Variants in EPB41L4A observed in about 807,000 individuals in gnomAD.
The protein encoded by EPB41L4A is erythrocyte membrane protein band 4.1 like 4A, also known as band 4.1-like protein 4A.
EPB41L4A carries 100 observed loss-of-function variants against 108.6 expected under a neutral mutation model. That is an observed-to-expected ratio of 0.92 (90% CI 0.78 to 1.09). The LOEUF is 1.09. Among genes scored for constraint, EPB41L4A ranks in the 50% least tolerant of loss-of-function variants. The pLI is 0.00. For missense variants in EPB41L4A, 1,030 were observed against 842.7 expected, an observed-to-expected ratio of 1.22 and a Z score of -2.75; for synonymous variants, 319 against 289.0, an observed-to-expected ratio of 1.10 and a Z score of -1.05.
intron 1 of EPB41L4A, among the ~76,000 whole-genome samples, chr5:112,349,218 G>C (rs1218019155): frequency 6.6e-6 from 1 of 152,116 alleles, no homozygotes; most frequent in Non-Finnish European, 1.5e-5. Context: ...GGGGGAATAA[G>C]GACATCATTT....
intron 11 of EPB41L4A, among the ~76,000 whole-genome samples, chr5:112,236,283 C>A (rs371393596): frequency 6.6e-6 from 1 of 152,172 alleles, no homozygotes; most frequent in Non-Finnish European, 1.5e-5. Context: ...GGACCCAGCA[C>A]TAGAACAAGC....
intron 12 of EPB41L4A, among the ~76,000 whole-genome samples, chr5:112,215,452 A>C (rs1747552739): frequency 6.6e-6 from 1 of 152,226 alleles, no homozygotes; most frequent in Admixed American, 6.5e-5. Flanking sequence ...TTCATTTTAC[A>C]TATTGTTCAC....
chr5:112,341,355 C>A (rs1348058425), intron 1 of EPB41L4A, among the ~76,000 whole-genome samples: 1 of 152,166 alleles, frequency 6.6e-6, no homozygotes, highest in Non-Finnish European at 1.5e-5. Flanking sequence ...ATAACCAGTT[C>A]TTCAATGAAT....
intron 12 of EPB41L4A, chr5:112,228,622 T>C: frequency 1.2e-6 from 1 of 830,416 alleles, no homozygotes. Flanking sequence ...ACTTTTCTTA[T>C]AGCTAATTAT....
At chr5:112,334,844 G>C (rs1441472961) in intron 1 of EPB41L4A, among the ~76,000 whole-genome samples, 2 of 152,068 alleles carry the variant, frequency 1.3e-5, no homozygotes, top group Non-Finnish European at 2.9e-5. Context: ...AGACCTATCT[G>C]AGACATGTTT....
intron 1 of EPB41L4A, among the ~76,000 whole-genome samples, chr5:112,326,871 C>G (rs17134357): frequency 0.016 from 2,457 of 152,272 alleles, 62 homozygotes; most frequent in South Asian, 0.057. Context: ...ACAGTCATCA[C>G]AGAATCCTTT....
intron 1 of EPB41L4A, among the ~76,000 whole-genome samples, chr5:112,387,075 C>A (rs1338476451): frequency 1.3e-5 from 2 of 152,124 alleles, no homozygotes; most frequent in Non-Finnish European, 2.9e-5. Flanking sequence ...AATCTGGGGG[C>A]CTGCACACTC....
intron 1 of EPB41L4A, among the ~76,000 whole-genome samples, chr5:112,349,487 A>G (rs17134376): frequency 0.025 from 3,849 of 152,270 alleles, 145 homozygotes; most frequent in African/African-American, 0.087. Context: ...AGGGAGCTTA[A>G]AAGCCTATAA....
At chr5:112,170,118 G>A in intron 20 of EPB41L4A, 183 bp downstream of exon 20, 1 of 602,422 alleles carries the variant, frequency 1.7e-6, no homozygotes, top group Non-Finnish European at 2.9e-6. Context: ...AGATGATAGT[G>A]ATTATAGTGT....
At chr5:112,209,772 C>T in intron 13 of EPB41L4A, 120 bp downstream of exon 13, 1 of 556,170 alleles carries the variant, frequency 1.8e-6, no homozygotes, top group Non-Finnish European at 3.1e-6. Flanking sequence ...TTTATTGGAT[C>T]CCATGGATCA....
intron 12 of EPB41L4A, among the ~76,000 whole-genome samples, chr5:112,220,556 A>G (rs943842470): frequency 6.6e-6 from 1 of 152,182 alleles, no homozygotes; most frequent in African/African-American, 2.4e-5. Flanking sequence ...CTTTTAGAAA[A>G]GAGAATCTAG....
At chr5:112,294,544 G>T (rs1389436996) in intron 2 of EPB41L4A, among the ~76,000 whole-genome samples, 2 of 152,094 alleles carry the variant, frequency 1.3e-5, no homozygotes, top group Non-Finnish European at 2.9e-5. Context: ...TTTCTGGGGG[G>T]TCGGGGAAAG....
chr5:112,306,851 A>G (rs150302861), intron 2 of EPB41L4A, among the ~76,000 whole-genome samples: 5 of 152,288 alleles, frequency 3.3e-5, no homozygotes, highest in Admixed American at 2.0e-4. Context: ...AACAACTGAC[A>G]TAAGAACTAA....
At chr5:112,288,103 G>C (rs1382373750) in intron 2 of EPB41L4A, among the ~76,000 whole-genome samples, 3 of 152,138 alleles carry the variant, frequency 2.0e-5, no homozygotes, top group African/African-American at 7.2e-5. Context: ...TGCTATAACT[G>C]TAAAATCCTT....
chr5:112,190,647 A>G (rs961906187), intron 17 of EPB41L4A, among the ~76,000 whole-genome samples: 2 of 152,280 alleles, frequency 1.3e-5, no homozygotes, highest in East Asian at 3.9e-4. Flanking sequence ...CACTTCTTAC[A>G]TTTCATTTGA....
At chr5:112,210,572 A>G (rs143445784) in intron 12 of EPB41L4A, among the ~76,000 whole-genome samples, 148 of 152,312 alleles carry the variant, frequency 9.7e-4, no homozygotes, top group African/African-American at 2.9e-3. Flanking sequence ...TTGTTATTCC[A>G]TAGATTTGCA....
chr5:112,170,242 A>G, intron 20 of EPB41L4A, 59 bp downstream of exon 20: 3 of 1,502,466 alleles, frequency 2.0e-6, no homozygotes, highest in Non-Finnish European at 2.8e-6. Context: ...GAAGAATTAG[A>G]ATGGATTACT....
intron 1 of EPB41L4A, among the ~76,000 whole-genome samples, chr5:112,384,411 G>A (rs1760364948): frequency 6.6e-6 from 1 of 151,492 alleles, no homozygotes; most frequent in Non-Finnish European, 1.5e-5. Context: ...AAGGCAAAAA[G>A]TATATAACAT....
chr5:112,202,158 G>C (rs1425623770), intron 15 of EPB41L4A, among the ~76,000 whole-genome samples: 1 of 152,174 alleles, frequency 6.6e-6, no homozygotes, highest in Non-Finnish European at 1.5e-5. Flanking sequence ...TTGCACTCCT[G>C]AGAAGTGGGG....
Sources: allele counts gnomAD v4.1 joint callset (sites outside exome capture counted in the v4.1 genomes callset), GRCh38; gene constraint gnomAD v4.1.1; transcripts MANE v1.5; gene names NCBI Gene and HGNC (gene_info 2026-07-23, HGNC 2026-07-21).